ADGRV1: variants seen among roughly 807,000 people sequenced by gnomAD.
The protein encoded by ADGRV1 is G-protein coupled receptor 98.
Under a neutral mutation model 596.2 loss-of-function variants are expected in ADGRV1, and 359 were observed. The observed-to-expected ratio is 0.60, with a 90% CI of 0.55 to 0.66. The LOEUF (loss-of-function observed/expected upper bound fraction) is 0.66, where lower values mean the gene tolerates loss of function less well. Ranked by LOEUF, ADGRV1 falls within the 30% of genes least tolerant of loss-of-function variation. The pLI is 0.00. For synonymous variants in ADGRV1, 2,681 were observed against 2,679.2 expected, an observed-to-expected ratio of 1.00 and a Z score of -0.02; for missense variants, 7,274 against 7,575.6, an observed-to-expected ratio of 0.96 and a Z score of 1.48.
intron 83 of ADGRV1, among the ~76,000 whole-genome samples, 181 bp from the exon 84 acceptor site, chr5:90,965,234 T>C (rs895310623): frequency 6.6e-6 from 1 of 152,236 alleles, no homozygotes; most frequent in Non-Finnish European, 1.5e-5. Context: ...CTTAGAAATA[T>C]AAAAATCCAT....
chr5:90,814,004 A>G (rs1280553141), intron 74 of ADGRV1, among the ~76,000 whole-genome samples: 1 of 152,334 alleles, frequency 6.6e-6, no homozygotes, highest in Non-Finnish European at 1.5e-5. Flanking sequence ...GCTAGTTGCT[A>G]TTGCCTTGGA....
intron 85 of ADGRV1, among the ~76,000 whole-genome samples, chr5:91,035,301 T>C (rs1254724496): frequency 6.6e-6 from 1 of 152,210 alleles, no homozygotes; most frequent in African/African-American, 2.4e-5. Context: ...TGGTGTCACC[T>C]TGTCTTTGTC....
Position 90,935,426 on chromosome 5 carries a change from C to T in ADGRV1, c.17857-29989C>T, listed in dbSNP as rs920992153. On this transcript the variant is annotated intron_variant, in intron 83 of 89. Transcript: ENST00000405460. The stretch of plus-strand genomic sequence containing the variant: ...ATCTCTCTGCTACATTCAGTTCCAG[C>T]TTCCGCACCTCCTAGACCCTGACTG... Among the ~76,000 whole-genome samples, 6 of 152,194 alleles carry T rather than the reference C, an allele frequency of 3.9e-5. No homozygotes were observed. In the South Asian group the frequency reaches 1.2e-3, roughly 31 times the overall value.
At chr5:90,774,576 G>A (rs1758026141) in intron 60 of ADGRV1, among the ~76,000 whole-genome samples, 1 of 152,070 alleles carries the variant, frequency 6.6e-6, no homozygotes, top group Admixed American at 6.6e-5. Flanking sequence ...TTTATAAAAT[G>A]TAAAATAAAA....
intron 20 of ADGRV1, chr5:90,654,692 A>G (rs1285143024): frequency 6.6e-6 from 1 of 152,178 alleles, no homozygotes; most frequent in Non-Finnish European, 1.5e-5. Context: ...AGCTTAATAG[A>G]GTATTTTCCT....
At chr5:90,877,303 C>A (rs976619810) in intron 83 of ADGRV1, among the ~76,000 whole-genome samples, 5 of 152,104 alleles carry the variant, frequency 3.3e-5, no homozygotes, top group Non-Finnish European at 7.4e-5. Flanking sequence ...TGGTTAAGAG[C>A]TGATGGTGAG....
intron 42 of ADGRV1, among the ~76,000 whole-genome samples, chr5:90,715,798 C>G (rs1324437774): frequency 6.6e-6 from 1 of 151,970 alleles, no homozygotes; most frequent in Non-Finnish European, 1.5e-5. Context: ...GAATGTCCTT[C>G]AATCATAGGT....
chr5:90,753,665 C>A lies in ADGRV1; in HGVS notation c.11213C>A (p.Thr3738Asn), dbSNP rs774064104. 3 of 1,613,518 alleles carry A rather than the reference C, an allele frequency of 1.9e-6. No individual in the cohort carries two copies. The highest frequency in any genetic ancestry group is 2.5e-6 in the Non-Finnish European group (3 of 1,179,612). ...GAGTTATCAGAGGTTGTGATTGTAA[C>A]CCTCACCCGTATCACCACAGAAGGG... ...IPELSEVVIV[T>N]LTRITTEGVE... The change falls in exon 54 of 90, where the codon ACC becomes AAC. Residue 3738 changes from threonine (T) to asparagine (N), a missense_variant. This residue lies in a region of ADGRV1 where 3,643 missense variants were observed against 3,809.2 expected (regional missense o/e 0.96). Coordinates refer to ENST00000405460, the MANE Select transcript of ADGRV1 (RefSeq NM_032119.4).
intron 85 of ADGRV1, among the ~76,000 whole-genome samples, chr5:91,024,938 C>T (rs916529371): frequency 6.6e-6 from 1 of 152,108 alleles, no homozygotes; most frequent in Non-Finnish European, 1.5e-5. Context: ...GTCTCCCCAT[C>T]GACTTCCCTG....
intron 74 of ADGRV1, among the ~76,000 whole-genome samples, chr5:90,814,498 A>G (rs1762721685): frequency 6.6e-6 from 1 of 152,034 alleles, no homozygotes; most frequent in South Asian, 2.1e-4. Flanking sequence ...CCAAATCCCC[A>G]TGTGTCAAGG....
At chr5:90,614,649 T>C (rs1035980147) in intron 1 of ADGRV1, 186 bp from the exon 2 acceptor site, 2 of 657,266 alleles carry the variant, frequency 3.0e-6, no homozygotes, top group African/African-American at 1.8e-5. Flanking sequence ...ACCGTAAGAA[T>C]AGAATCGTGT....
intron 87 of ADGRV1, among the ~76,000 whole-genome samples, chr5:91,144,792 T>C (rs1795395768): frequency 6.6e-6 from 1 of 152,228 alleles, no homozygotes; most frequent in African/African-American, 2.4e-5. Flanking sequence ...TAAGGTATTG[T>C]TGTATTTGTG....
chr5:90,693,007 T>C (rs1746684444), intron 32 of ADGRV1, among the ~76,000 whole-genome samples: 1 of 152,212 alleles, frequency 6.6e-6, no homozygotes, highest in Admixed American at 6.5e-5. Context: ...AAATTTTACA[T>C]CACTGAGCTC....
At chr5:90,980,537 A>G (rs1316783397) in intron 84 of ADGRV1, among the ~76,000 whole-genome samples, 1 of 152,214 alleles carries the variant, frequency 6.6e-6, no homozygotes, top group Non-Finnish European at 1.5e-5. Flanking sequence ...TGGTCTTAAG[A>G]TAGTTTATAA....
At chr5:90,972,829 G>T (rs1015675739) in intron 84 of ADGRV1, among the ~76,000 whole-genome samples, 1 of 152,076 alleles carries the variant, frequency 6.6e-6, no homozygotes, top group Non-Finnish European at 1.5e-5. Flanking sequence ...AAAGCTAGCA[G>T]AAGACAAGAA....
intron 85 of ADGRV1, among the ~76,000 whole-genome samples, chr5:91,024,997 G>A (rs79659898): frequency 5.9e-5 from 9 of 152,190 alleles, no homozygotes; most frequent in East Asian, 3.9e-4. Flanking sequence ...GGTTATAAAC[G>A]GCAGCTTTTT....
chr5:91,061,500 C>G (rs1001571994), intron 85 of ADGRV1, among the ~76,000 whole-genome samples: 1 of 152,088 alleles, frequency 6.6e-6, no homozygotes, highest in African/African-American at 2.4e-5. Context: ...CCTTATTAAC[C>G]AAGAGCTAAT....
Position 91,153,311 on chromosome 5 carries a change from C to T in ADGRV1, c.18715C>T (p.Pro6239Ser). Reference protein sequence around the residue: ...KPSPQNGATFPSSGGYGQGSL... With the variant: ...KPSPQNGATFSSSGGYGQGSL... ...AAGTCCACAAAATGGAGCCACGTTCCCGTCCTCTGGAGGATATGGCCAGGG... is the reference window on the plus strand; with the variant it reads ...AAGTCCACAAAATGGAGCCACGTTCTCGTCCTCTGGAGGATATGGCCAGGG... Residue 6239 changes from proline (P) to serine (S), a missense_variant, in exon 89 of 90, where the codon CCG becomes TCG. Pro to Ser is a moderately conservative substitution (Grantham distance 74). This residue lies in a region of ADGRV1 where 1,874 missense variants were observed against 1,970.2 expected (regional missense o/e 0.95). Transcript: ENST00000405460. The T allele has an allele frequency of 6.2e-7, 1 of 1,612,208 alleles. No individual in the cohort carries two copies. The highest frequency in any genetic ancestry group is 8.5e-7 in the Non-Finnish European group (1 of 1,179,220).
At chr5:90,739,494 T>C (rs1429954342) in intron 50 of ADGRV1, among the ~76,000 whole-genome samples, 4 of 152,188 alleles carry the variant, frequency 2.6e-5, no homozygotes, top group Admixed American at 1.3e-4. Flanking sequence ...TAGTTGGTAG[T>C]GACCCCAGAC....
Sources: gnomAD v4.1 joint callset for allele counts (sites outside exome capture counted in the v4.1 genomes callset) on GRCh38, gnomAD v4.1.1 for gene constraint, gnomAD v4.1.1 regional missense constraint, MANE v1.5 for transcripts, NCBI Gene and HGNC (gene_info 2026-07-23, HGNC 2026-07-21) for gene names.